PCDH9: variants seen among roughly 807,000 people sequenced by gnomAD.
PCDH9 encodes the protein protocadherin 9.
In PCDH9, 24 loss-of-function variants were observed where a neutral mutation model predicts 70.6. The ratio of observed to expected loss-of-function variants is 0.34; its 90% CI spans 0.25 to 0.48. PCDH9 has a LOEUF of 0.48. Among genes scored for constraint, PCDH9 ranks in the 20% least tolerant of loss-of-function variants. PCDH9 has a pLI of 0.99. For synonymous variants in PCDH9, 562 were observed against 558.5 expected (o/e 1.01, Z -0.09); for missense variants, 1,281 against 1,503.6 (o/e 0.85, Z 2.45).
chr13:66,502,511 T>G (rs908623242), intron 4 of PCDH9, among the ~76,000 whole-genome samples: 2 of 152,108 alleles, frequency 1.3e-5, no homozygotes, highest in African/African-American at 4.8e-5. Flanking sequence ...AAACACACTA[T>G]AAAAAAATTT....
At position 66,399,728 on chromosome 13, in the gene PCDH9, CA is replaced by C. The variant is rs1277055882; in HGVS notation, c.3341-94701del. On this transcript the variant is annotated intron_variant, in intron 4 of 4. Transcript: ENST00000377865. The stretch of plus-strand genomic sequence containing the variant: ...AAAAAAGAAGCAAAAAATAAAGAAC[CA>C]AAAAAAAAGAAAAAAAAGGACAGGT... Among the ~76,000 whole-genome samples, 9 of 143,396 alleles carry C rather than the reference CA, an allele frequency of 6.3e-5. No individual in the cohort carries two copies. The East Asian group carries it at 1.0e-3, about 16-fold the overall frequency. The allele number at this position is 143,396 out of a possible 152,430, so 94.1% of individuals were successfully genotyped here.
chr13:66,853,434 C>T (rs1048517642), intron 3 of PCDH9, among the ~76,000 whole-genome samples: 13 of 152,132 alleles, frequency 8.5e-5, no homozygotes, highest in Non-Finnish European at 1.8e-4. Context: ...AGACCTCCAG[C>T]AATGCCTTTG....
chr13:67,229,906 C>A lies in PCDH9; in HGVS notation c.-262G>T, dbSNP rs2089969232. The A allele has an allele frequency of 6.6e-6, 1 of 152,152 alleles. No individual in the cohort carries two copies. Among genetic ancestry groups the A allele is most frequent in the African/African-American group, 2.4e-5 (1 of 41,432 alleles). The allele number at this position is 152,152 out of a possible 1,614,324, so 9.4% of individuals were successfully genotyped here. A position where few individuals can be genotyped will look rare whatever the true frequency, so the allele number is the denominator to read the frequency against. On this transcript the variant is annotated 5_prime_UTR_variant, in exon 1 of 5. It adds an upstream start codon to the 5' untranslated region. Coordinates refer to ENST00000377865, the MANE Select transcript of PCDH9 (RefSeq NM_203487.3). ...GAAATCAGAAGCAGCAAAATGTTTC[C>A]TCCTTGTAAAATGTGTTGCTTCGGG...
intron 2 of PCDH9, among the ~76,000 whole-genome samples, chr13:67,024,729 C>G (rs1304983923): frequency 6.6e-6 from 1 of 151,972 alleles, no homozygotes; most frequent in Non-Finnish European, 1.5e-5. Flanking sequence ...ATTACCTAGA[C>G]TTGAGACACT....
At chr13:66,822,134 G>GCACA (rs1555272314) in intron 3 of PCDH9, among the ~76,000 whole-genome samples, 7 of 41,506 alleles carry the variant, frequency 1.7e-4, no homozygotes, top group African/African-American at 2.6e-4. Flanking sequence ...CATCACACAC[G>GCACA]CGCACACACA....
chr13:66,637,293 T>C, intron 3 of PCDH9, among the ~76,000 whole-genome samples: 1 of 152,190 alleles, frequency 6.6e-6, no homozygotes, highest in East Asian at 1.9e-4. Flanking sequence ...GTAACAAATA[T>C]TAATACACAC....
At chr13:66,437,604 ATATACCAACAG>A (rs1405521715) in intron 4 of PCDH9, among the ~76,000 whole-genome samples, 1 of 152,104 alleles carries the variant, frequency 6.6e-6, no homozygotes, top group Admixed American at 6.6e-5. Context: ...GAAATAGTTT[ATATACCAACAG>A]TATGGCTAAA....
At chr13:66,734,873 T>A (rs891482338) in intron 3 of PCDH9, among the ~76,000 whole-genome samples, 12 of 152,152 alleles carry the variant, frequency 7.9e-5, no homozygotes, top group Non-Finnish European at 1.5e-4. Flanking sequence ...CAAAAGCAAC[T>A]CCATTATGAA....
intron 2 of PCDH9, among the ~76,000 whole-genome samples, chr13:67,123,953 T>C (rs2086925763): frequency 6.6e-6 from 1 of 151,992 alleles, no homozygotes; most frequent in Admixed American, 6.6e-5. Context: ...AAACAGTATC[T>C]TAATTCACAA....
intron 4 of PCDH9, among the ~76,000 whole-genome samples, chr13:66,322,235 T>C (rs1955768781): frequency 6.6e-6 from 1 of 151,912 alleles, no homozygotes; most frequent in Non-Finnish European, 1.5e-5. Flanking sequence ...ACCAAGTGAA[T>C]GGAGAAAAGC....
intron 3 of PCDH9, among the ~76,000 whole-genome samples, chr13:66,879,406 TA>T (rs1174196029): frequency 1.3e-5 from 2 of 151,900 alleles, no homozygotes; most frequent in African/African-American, 4.8e-5. Context: ...AATAGATGAT[TA>T]AAAAAAACAA....
chr13:66,564,397 C>G (rs1275983251), intron 4 of PCDH9, among the ~76,000 whole-genome samples: 1 of 152,010 alleles, frequency 6.6e-6, no homozygotes, highest in Non-Finnish European at 1.5e-5. Context: ...AACTCCTGGG[C>G]TCAAATGATT....
At chr13:66,622,585 G>A (rs2077438892) in intron 4 of PCDH9, among the ~76,000 whole-genome samples, 1 of 152,168 alleles carries the variant, frequency 6.6e-6, no homozygotes, top group African/African-American at 2.4e-5. Flanking sequence ...CTCTGGTGGG[G>A]ACTTGGAGAA....
intron 2 of PCDH9, among the ~76,000 whole-genome samples, chr13:67,185,620 T>C (rs895686051): frequency 4.6e-5 from 7 of 152,224 alleles, no homozygotes; most frequent in Admixed American, 3.9e-4. Context: ...GTTTGTTCAA[T>C]ATATTAGTTT....
chr13:66,771,165 C>G (rs1241402862), intron 3 of PCDH9, among the ~76,000 whole-genome samples: 2 of 152,142 alleles, frequency 1.3e-5, no homozygotes, highest in Non-Finnish European at 2.9e-5. Flanking sequence ...GTACTACAGC[C>G]TGGAACCCCT....
At chr13:66,356,034 A>G (rs1956377145) in intron 4 of PCDH9, among the ~76,000 whole-genome samples, 3 of 152,294 alleles carry the variant, frequency 2.0e-5, no homozygotes, top group Non-Finnish European at 4.4e-5. Context: ...GATAACTAAA[A>G]TAAATGAAAT....
At chr13:66,382,759 G>A (rs773889562) in intron 4 of PCDH9, among the ~76,000 whole-genome samples, 5 of 152,054 alleles carry the variant, frequency 3.3e-5, no homozygotes, top group African/African-American at 4.8e-5. Flanking sequence ...GGCCAGGCGC[G>A]GTGGCTCACG....
chr13:66,960,908 T>C (rs73505347), intron 2 of PCDH9, among the ~76,000 whole-genome samples: 4,686 of 152,258 alleles, frequency 0.031, 244 homozygotes, highest in African/African-American at 0.11. Flanking sequence ...CTGTTTAGAG[T>C]ATCAATTGGT....
chr13:66,713,499 T>C (rs2078822522), intron 3 of PCDH9, among the ~76,000 whole-genome samples: 2 of 150,950 alleles, frequency 1.3e-5, no homozygotes, highest in Non-Finnish European at 3.0e-5. Context: ...CCCCTCATTA[T>C]AAACCACATG....
Sources: allele counts gnomAD v4.1 joint callset (sites outside exome capture counted in the v4.1 genomes callset), GRCh38; gene constraint gnomAD v4.1.1; transcripts MANE v1.5; gene names NCBI Gene and HGNC (gene_info 2026-07-23, HGNC 2026-07-21).